Variants in PPP1R1C observed in about 807,000 individuals in gnomAD.
PPP1R1C encodes protein phosphatase 1 regulatory subunit 1C.
Under a neutral mutation model 17.4 loss-of-function variants are expected in PPP1R1C, and 15 were observed. The observed-to-expected ratio is 0.86, with a 90% confidence interval of 0.58 to 1.33. The LOEUF (loss-of-function observed/expected upper bound fraction) is 1.33, where lower values mean the gene tolerates loss of function less well. PPP1R1C is among the 40% of genes most tolerant of loss of function. The pLI, the probability that PPP1R1C is intolerant of heterozygous loss-of-function variation, is 0.00. For synonymous variants in PPP1R1C, 35 were observed against 43.1 expected, an observed-to-expected ratio of 0.81 and a Z score of 0.73; for missense variants, 143 against 130.0, an observed-to-expected ratio of 1.10 and a Z score of -0.48.
chr2:182,072,466 G>GA (rs1688167556), intron 4 of PPP1R1C, among the ~76,000 whole-genome samples: 1 of 152,180 alleles, frequency 6.6e-6, no homozygotes, highest in Non-Finnish European at 1.5e-5. Context: ...GGCTTTTATA[G>GA]AAAACTATGA....
chr2:182,068,177 GC>G (rs1380481592), intron 4 of PPP1R1C, among the ~76,000 whole-genome samples: 1 of 152,126 alleles, frequency 6.6e-6, no homozygotes, highest in Non-Finnish European at 1.5e-5. Context: ...CACAGGATTA[GC>G]CTGTCTCACT....
chr2:181,990,148 C>CTT lies in PPP1R1C; in HGVS notation c.142+2258_142+2259dup, dbSNP rs71008204. On this transcript the variant is annotated intron_variant, in intron 2 of 4. Transcript: ENST00000682840. ...GATATCTCCAAGCTTTCTTTTCTTT[C>CTT]TTTTTTTTTTGAGACAGTCACCCTC... 1.8e-3 allele frequency among the ~76,000 whole-genome samples: 272 copies of CTT among 148,622 alleles called. 2 individuals are homozygous for CTT. Among genetic ancestry groups the CTT allele is most frequent in the African/African-American group, 5.6e-3 (226 of 40,534 alleles).
chr2:182,124,314 G>GTT (rs796745919), intron 5 of PPP1R1C, among the ~76,000 whole-genome samples: 2 of 42,086 alleles, frequency 4.8e-5, no homozygotes, highest in Non-Finnish European at 1.2e-4. Flanking sequence ...GTTTTTTTTT[G>GTT]TTTTTTTTTT....
intron 2 of PPP1R1C, among the ~76,000 whole-genome samples, chr2:182,058,370 A>G (rs950600320): frequency 3.9e-5 from 6 of 152,084 alleles, no homozygotes; most frequent in Non-Finnish European, 7.4e-5. Context: ...ATTGATATAA[A>G]GTCTCGTCTT....
chr2:182,081,414 A>G (rs1052155334), intron 4 of PPP1R1C, among the ~76,000 whole-genome samples: 1 of 152,210 alleles, frequency 6.6e-6, no homozygotes, highest in African/African-American at 2.4e-5. Context: ...GATTCAATAC[A>G]TTGCAGTTGC....
At chr2:182,080,745 A>G (rs1481546259) in intron 4 of PPP1R1C, among the ~76,000 whole-genome samples, 1 of 152,180 alleles carries the variant, frequency 6.6e-6, no homozygotes, top group Non-Finnish European at 1.5e-5. Flanking sequence ...GAAAATATTA[A>G]CTGCTTCTAA....
At chr2:181,995,299 G>A (rs981295601) in intron 2 of PPP1R1C, among the ~76,000 whole-genome samples, 3 of 152,200 alleles carry the variant, frequency 2.0e-5, no homozygotes, top group African/African-American at 7.2e-5. Flanking sequence ...AGGCAGACAT[G>A]TAATACTTAA....
At chr2:182,015,322 G>A (rs546001642) in intron 2 of PPP1R1C, among the ~76,000 whole-genome samples, 1 of 152,288 alleles carries the variant, frequency 6.6e-6, no homozygotes, top group East Asian at 1.9e-4. Context: ...CTGCTGCCAT[G>A]TAAGATGTGA....
intron 2 of PPP1R1C, among the ~76,000 whole-genome samples, chr2:182,025,434 C>G (rs1403044718): frequency 1.4e-5 from 2 of 139,352 alleles, no homozygotes; most frequent in Non-Finnish European, 3.1e-5. Flanking sequence ...GTTCAATTGC[C>G]ACCTATGAGT....
chr2:181,965,326 C>T (rs995134408), intron 1 of PPP1R1C, among the ~76,000 whole-genome samples: 2 of 152,078 alleles, frequency 1.3e-5, no homozygotes, highest in African/African-American at 4.8e-5. Context: ...TCCATTTTTG[C>T]TTTAGTTGCC....
intron 2 of PPP1R1C, among the ~76,000 whole-genome samples, chr2:182,030,321 G>C (rs1259122093): frequency 6.6e-6 from 1 of 152,146 alleles, no homozygotes; most frequent in Non-Finnish European, 1.5e-5. Context: ...TTTCTGTTCT[G>C]TTTTTTCCCC....
rs182860077 is a variant in PPP1R1C, at chr2:182,085,139, A to G, written c.241+21348A>G. The stretch of plus-strand genomic sequence containing the variant: ...TGTACATTGATTTTGCTGAATTCAT[A>G]TAAATCTAGGAGTATTTTGGATGGA... On this transcript the variant is annotated intron_variant, in intron 4 of 4. Coordinates refer to ENST00000682840, the MANE Select transcript of PPP1R1C (RefSeq NM_001080545.3). Among the ~76,000 whole-genome samples, 24 of 152,174 alleles carry G rather than the reference A, an allele frequency of 1.6e-4. No individual in the cohort carries two copies. The East Asian group carries it at 4.6e-3, about 29-fold the overall frequency.
intron 4 of PPP1R1C, among the ~76,000 whole-genome samples, chr2:182,071,340 G>A (rs1688134033): frequency 6.6e-6 from 1 of 152,078 alleles, no homozygotes; most frequent in Admixed American, 6.6e-5. Flanking sequence ...CCCTGTACCG[G>A]GATTTGACTG....
At chr2:181,955,880 T>A (rs1226922124) in intron 1 of PPP1R1C, among the ~76,000 whole-genome samples, 1 of 152,228 alleles carries the variant, frequency 6.6e-6, no homozygotes, top group Non-Finnish European at 1.5e-5. Flanking sequence ...ATATACTTTT[T>A]AAATTTTATT....
At chr2:181,996,619 C>T (rs1685619183) in intron 2 of PPP1R1C, among the ~76,000 whole-genome samples, 1 of 152,126 alleles carries the variant, frequency 6.6e-6, no homozygotes, top group Non-Finnish European at 1.5e-5. Flanking sequence ...CTGATTAGAA[C>T]ACAATTACAA....
In PPP1R1C at chr2:182,098,068, A is replaced by G. The variant is rs1688995009; in HGVS notation, c.242-19139A>G. On this transcript the variant is annotated intron_variant, in intron 4 of 4. Coordinates refer to ENST00000682840, the MANE Select transcript of PPP1R1C (RefSeq NM_001080545.3). ...AAAGAAAAAGTGTTTCTTTTCTTTT[A>G]CACGTGTAATAATCCTACCATGTCT... Among the ~76,000 whole-genome samples the G allele has an allele frequency of 3.9e-5, 6 of 152,102 alleles. 1 individual carries two copies. In the South Asian group the frequency reaches 1.2e-3, roughly 32 times the overall value.
intron 1 of PPP1R1C, among the ~76,000 whole-genome samples, chr2:181,956,401 G>C (rs939622088): frequency 6.6e-6 from 1 of 152,138 alleles, no homozygotes; most frequent in East Asian, 1.9e-4. Flanking sequence ...TATAATCCTT[G>C]GGGTATATAC....
Position 181,987,823 on chromosome 2 carries a change from C to A in PPP1R1C, c.82-16C>A, listed in dbSNP as rs747582072. 2 of 1,613,018 alleles carry A rather than the reference C, an allele frequency of 1.2e-6. No individual in the cohort carries two copies. Among genetic ancestry groups the A allele is most frequent in the East Asian group, 4.5e-5 (2 of 44,858 alleles). The stretch of plus-strand genomic sequence containing the variant: ...CTAATACTCACTGATATTAGCTGGG[C>A]TTTTGTCGTTCACAGATCAGGAAAA... On this transcript the variant is annotated splice_polypyrimidine_tract_variant and intron_variant, in intron 1 of 4. Transcript: ENST00000682840.
chr2:182,092,468 A>G (rs142397278), intron 4 of PPP1R1C, among the ~76,000 whole-genome samples: 1 of 152,296 alleles, frequency 6.6e-6, no homozygotes, highest in South Asian at 2.1e-4. Flanking sequence ...TTCACATTTC[A>G]AAGCCCATCA....
Sources: gnomAD v4.1 joint callset for allele counts (sites outside exome capture counted in the v4.1 genomes callset) on GRCh38, gnomAD v4.1.1 for gene constraint, MANE v1.5 for transcripts, NCBI Gene and HGNC (gene_info 2026-07-23, HGNC 2026-07-21) for gene names.